CASP1: variants seen among roughly 807,000 people sequenced by gnomAD.
CASP1 encodes caspase 1.
A neutral mutation model predicts 41.2 loss-of-function variants in CASP1; 31 were observed. The observed-to-expected ratio is 0.75, with a 90% CI of 0.57 to 1.02. CASP1 has a LOEUF of 1.02. Among genes scored for constraint, CASP1 ranks in the 50% least tolerant of loss-of-function variants. The pLI, the probability that CASP1 is intolerant of heterozygous loss-of-function variation, is 0.00. For missense variants in CASP1, 490 were observed against 495.7 expected (o/e 0.99, Z 0.11); for synonymous variants, 163 against 166.5 (o/e 0.98, Z 0.16).
At position 105,034,301 on chromosome 11, in the gene CASP1, C is replaced by G; in HGVS notation, c.181G>C (p.Val61Leu). ...CATGCCTGTGCCCCTTTCGGAATAACGGAGTCAATCAAAGCTCGGGTCTTA... is the reference window on the plus strand; with the variant it reads ...CATGCCTGTGCCCCTTTCGGAATAAGGGAGTCAATCAAAGCTCGGGTCTTA... ...MDKTRALIDSVIPKGAQACQI... is the reference protein window; with the variant it reads ...MDKTRALIDSLIPKGAQACQI... The change falls in exon 2 of 9, where the codon GTT becomes CTT. Residue 61 changes from valine (V) to leucine (L), a missense_variant. Coordinates refer to ENST00000533400, the MANE Select transcript of CASP1 (RefSeq NM_001257118.3). 6.2e-7 allele frequency: 1 copy of G among 1,614,122 alleles called. No individual in the cohort carries two copies. The highest frequency in any genetic ancestry group is 8.5e-7 in the Non-Finnish European group (1 of 1,180,000).
At position 105,029,639 on chromosome 11, in the gene CASP1, G is replaced by A. The variant is rs150630061; in HGVS notation, c.862+26C>T. On this transcript the variant is annotated intron_variant, in intron 6 of 8. Coordinates refer to ENST00000533400, the MANE Select transcript of CASP1 (RefSeq NM_001257118.3). ...GAGTAGGATAGTATTTGATTGTCTGGTGTTCTCAAAGGCATCAGCACTCAC... is the reference window on the plus strand; with the variant it reads ...GAGTAGGATAGTATTTGATTGTCTGATGTTCTCAAAGGCATCAGCACTCAC... 342 of 1,508,748 alleles carry A rather than the reference G, an allele frequency of 2.3e-4. 11 individuals carry two copies. The South Asian group carries it at 2.7e-3, about 12-fold the overall frequency. 93.5% of individuals were successfully genotyped at this position (1,508,748 alleles called of 1,614,324 possible).
intron 7 of CASP1, among the ~76,000 whole-genome samples, chr11:105,028,152 G>T (rs1329726063): frequency 6.6e-6 from 1 of 152,014 alleles, no homozygotes; most frequent in Non-Finnish European, 1.5e-5. Flanking sequence ...TAGTGTCATT[G>T]TTTCTGATCA....
At chr11:105,031,774 G>C (rs1052258590) in intron 3 of CASP1, among the ~76,000 whole-genome samples, 2 of 151,882 alleles carry the variant, frequency 1.3e-5, no homozygotes, top group African/African-American at 4.8e-5. Flanking sequence ...ATTTTTTAAT[G>C]AATCTTTGTC....
rs1863558269 is a variant in CASP1 at position 105,029,759 on chromosome 11, T to C, written c.768A>G (p.Leu256=). 6.2e-7 allele frequency: 1 copy of C among 1,613,568 alleles called. No homozygotes were observed. ...ACATGTTAAAGATTGCATTGAGTTG[T>C]AGTATATCTGGGACTTGCTCAGAGT... ...KKHSEQVPDI[L]QLNAIFNMLN... Residue 256 remains leucine, a synonymous_variant, in exon 6 of 9, where the codon CTA becomes CTG. Transcript: ENST00000533400.
intron 4 of CASP1, 184 bp from the exon 5 acceptor site, chr11:105,030,687 C>A: frequency 2.0e-6 from 1 of 510,858 alleles, no homozygotes; most frequent in Non-Finnish European, 3.4e-6. Context: ...TGCAAATGCC[C>A]AGATGGCAGC....
At chr11:105,036,258 A>C (rs1414710667), upstream of CASP1, among the ~76,000 whole-genome samples, 2 of 152,180 alleles carry the variant, frequency 1.3e-5, no homozygotes, top group African/African-American at 4.8e-5. Context: ...CTTTTGTTAG[A>C]ATCCTCAAGC....
intron 6 of CASP1, 103 bp from the exon 7 acceptor site, chr11:105,029,370 T>C (rs1863528105): frequency 2.1e-6 from 2 of 936,980 alleles, no homozygotes; most frequent in Non-Finnish European, 1.6e-6. Flanking sequence ...TGCTCTATCA[T>C]TAATTCACAT....
chr11:105,026,357 C>G lies in CASP1; in HGVS notation c.1117-1G>C. 1 of 1,599,770 alleles carries G rather than the reference C, an allele frequency of 6.3e-7. No individual in the cohort carries two copies. The highest frequency in any genetic ancestry group is 8.6e-7 in the Non-Finnish European group (1 of 1,168,478). ...CTGGCTGCTCAAATGAAAATCGAAC[C>G]TAAAAGAGTAAGGAAAGTCTGTAGC... is the stretch of plus-strand genomic sequence containing the variant. On this transcript the variant is annotated splice_acceptor_variant, in intron 8 of 8. Coordinates refer to ENST00000533400, the MANE Select transcript of CASP1 (RefSeq NM_001257118.3). LOFTEE classifies it high-confidence loss of function.
chr11:105,028,053 G>C (rs974570872), intron 7 of CASP1, among the ~76,000 whole-genome samples: 3 of 152,080 alleles, frequency 2.0e-5, no homozygotes, highest in Non-Finnish European at 4.4e-5. Flanking sequence ...CATGTGGAAG[G>C]CTGGGATCAA....
rs1486276403 is a variant in CASP1 at position 105,025,944 on chromosome 11, A to G, written c.*314T>C. The G allele has an allele frequency of 4.0e-6, 1 of 250,862 alleles. No homozygotes were observed. Among genetic ancestry groups the G allele is most frequent in the African/African-American group, 2.3e-5 (1 of 44,166 alleles). 15.5% of individuals were successfully genotyped at this position (250,862 alleles called of 1,614,324 possible). A position where few individuals can be genotyped will look rare whatever the true frequency, so the allele number is the denominator to read the frequency against. ...TTATCCCTTATCCAAAATGCATGCT[A>G]CCAGAAGTATTTCAAATTTCAGATA... On this transcript the variant is annotated 3_prime_UTR_variant, in exon 9 of 9. Transcript: ENST00000533400.
intron 7 of CASP1, among the ~76,000 whole-genome samples, chr11:105,028,084 T>G (rs1863435730): frequency 6.6e-6 from 1 of 152,126 alleles, no homozygotes; most frequent in African/African-American, 2.4e-5. Flanking sequence ...CGAACAGTTC[T>G]GTCTAATATT....
intron 6 of CASP1, 152 bp downstream of exon 6, chr11:105,029,513 C>A: frequency 1.5e-6 from 1 of 646,958 alleles, no homozygotes; most frequent in Non-Finnish European, 2.7e-6. Context: ...TACCAACCAG[C>A]CATTCAATTC....
At chr11:105,030,614 A>C in intron 4 of CASP1, 111 bp from the exon 5 acceptor site, 1 of 845,190 alleles carries the variant, frequency 1.2e-6, no homozygotes. Context: ...ACCAAACCCC[A>C]TGAACCATAC....
rs539628873 is a variant in CASP1 at position 105,029,667 on chromosome 11, C to G, written c.860G>C (p.Gly287Ala). ...TTCTCAAAGGCATCAGCACTCACCACCACGGCAGGCCTGGATGATGATCAC... is the reference window on the plus strand; with the variant it reads ...TTCTCAAAGGCATCAGCACTCACCAGCACGGCAGGCCTGGATGATGATCAC... ...PKVIIIQACR[G>A]DSPGVVWFKD... Residue 287 changes from glycine to alanine, a missense_variant and splice_region_variant, in exon 6 of 9, where the codon GGT (glycine) becomes GCT (alanine). Gly to Ala is a moderately conservative substitution (Grantham distance 60, BLOSUM62 0). Coordinates refer to ENST00000533400, the MANE Select transcript of CASP1 (RefSeq NM_001257118.3). 2.0e-5 allele frequency: 32 copies of G among 1,610,694 alleles called. No individual in the cohort carries two copies. The South Asian group carries it at 2.6e-4, about 13-fold the overall frequency.
At chr11:105,027,519 T>G (rs773013504) in intron 7 of CASP1, among the ~76,000 whole-genome samples, 28 of 152,010 alleles carry the variant, frequency 1.8e-4, no homozygotes, top group Non-Finnish European at 3.2e-4. Flanking sequence ...AGAAAAATAT[T>G]AATTTATTAC....
At chr11:105,030,018 G>A in intron 5 of CASP1, 119 bp from the exon 6 acceptor site, 1 of 804,004 alleles carries the variant, frequency 1.2e-6, no homozygotes, top group Non-Finnish European at 2.0e-6. Context: ...ACAACAGGGT[G>A]CCAAAAAAAA....
In CASP1 at chr11:105,025,584, A is replaced by T. The variant is rs1863215598; in HGVS notation, c.*674T>A. 1 of 424,058 alleles carries T rather than the reference A, an allele frequency of 2.4e-6. No homozygotes were observed. Among genetic ancestry groups the T allele is most frequent in the Non-Finnish European group, 4.6e-6 (1 of 216,896 alleles). The allele number at this position is 424,058 out of a possible 1,614,324, so 26.3% of individuals were successfully genotyped here. A position where few individuals can be genotyped will look rare whatever the true frequency, so the allele number is the denominator to read the frequency against. ...GACATAATTCCAAAAACCTTTACAGAAGGATCTCTTCACTTCCTATGAGAA... is the reference window on the plus strand; with the variant it reads ...GACATAATTCCAAAAACCTTTACAGTAGGATCTCTTCACTTCCTATGAGAA... On this transcript the variant is annotated 3_prime_UTR_variant, in exon 9 of 9. Transcript: ENST00000533400.
chr11:105,035,180 G>A (rs531602109), upstream of CASP1: 1 of 1,602,192 alleles, frequency 6.2e-7, no homozygotes, highest in East Asian at 2.2e-5. Context: ...TTTTTGGCAG[G>A]GCCTGTACAT....
At chr11:105,031,028 C>A (rs963456464) in intron 4 of CASP1, 137 bp downstream of exon 4, 51 of 611,952 alleles carry the variant, frequency 8.3e-5, no homozygotes, top group Admixed American at 7.3e-4. Flanking sequence ...TATAGAAATC[C>A]TTTATGTAAG....
Sources: allele counts gnomAD v4.1 joint callset (sites outside exome capture counted in the v4.1 genomes callset), GRCh38; gene constraint gnomAD v4.1.1; transcripts MANE v1.5; gene names NCBI Gene and HGNC (gene_info 2026-07-23, HGNC 2026-07-21).